PBX2: variants seen among roughly 807,000 people sequenced by gnomAD.
PBX2 encodes pre-B-cell leukemia transcription factor 2.
PBX2 carries 10 observed loss-of-function variants against 46.5 expected under a neutral mutation model. The observed-to-expected ratio is 0.21, with a 90% confidence interval of 0.13 to 0.36. The LOEUF (loss-of-function observed/expected upper bound fraction) is 0.36, where lower values mean the gene tolerates loss of function less well. PBX2 is among the 10% of genes least tolerant of loss of function. PBX2 has a pLI of 1.00. For synonymous variants in PBX2, 160 were observed against 222.5 expected, an observed-to-expected ratio of 0.72 and a Z score of 2.50; for missense variants, 392 against 580.5, an observed-to-expected ratio of 0.68 and a Z score of 3.34.
rs376011965 is a variant in PBX2 at position 32,187,922 on chromosome 6, A to C, written c.734+44T>G. The C allele has an allele frequency of 6.6e-7, 1 of 1,520,378 alleles. No individual in the cohort carries two copies. The highest frequency in any genetic ancestry group is 8.9e-7 in the Non-Finnish European group (1 of 1,129,108). 94.2% of individuals were successfully genotyped at this position (1,520,378 alleles called of 1,614,324 possible). A position where few individuals can be genotyped will look rare whatever the true frequency, so the allele number is the denominator to read the frequency against. ...GCTCAGGGTCTTGGAGAGGAATGGG[A>C]AGGAGCCCAGTGCTGGGGGCCAGCC... On this transcript the variant is annotated intron_variant, in intron 4 of 8. Transcript: ENST00000375050. The surrounding 1 kb of genome is among the most constrained non-coding windows in gnomAD (Gnocchi z 7.7).
Position 32,184,841 on chromosome 6 carries a change from A to AC in PBX2, c.*1540dup, listed in dbSNP as rs1405354174. The AC allele has an allele frequency of 2.1e-4, 11 of 53,564 alleles. No individual in the cohort carries two copies. Among genetic ancestry groups the AC allele is most frequent in the East Asian group, 7.2e-4 (1 of 1,388 alleles). 3.3% of individuals were successfully genotyped at this position (53,564 alleles called of 1,614,324 possible). A position where few individuals can be genotyped will look rare whatever the true frequency, so the allele number is the denominator to read the frequency against. On this transcript the variant is annotated 3_prime_UTR_variant, in exon 9 of 9. Transcript: ENST00000375050. ...GAACTGCCCCCGGCCCATGCCTCCC[A>AC]CCCCCCCACCCATCACACTTCCAAC...
rs1344071946 is a variant in PBX2 at position 32,189,068 on chromosome 6, G to A, written c.222-272C>T. 15 of 528,642 alleles carry A rather than the reference G, an allele frequency of 2.8e-5. No homozygotes were observed. The highest frequency in any genetic ancestry group is 5.0e-4 in the Middle Eastern group (1 of 2,020). 32.7% of individuals were successfully genotyped at this position (528,642 alleles called of 1,614,324 possible). On this transcript the variant is annotated intron_variant, in intron 1 of 8. Transcript: ENST00000375050. This position sits in a 1 kb window ranked among gnomAD's most constrained non-coding sequence, Gnocchi z 4.7. The stretch of plus-strand genomic sequence containing the variant: ...GAGATGGTCTAGAAAGGTAGGAGGA[G>A]GAATCTGGGAGTGGATGGAGAAAGG...
rs1392484614 is a variant in PBX2 at position 32,188,620 on chromosome 6, CT to C, written c.295+102del. 2.5e-6 allele frequency: 4 copies of C among 1,576,606 alleles called. No individual in the cohort carries two copies. The African/African-American group carries it at 5.4e-5, about 21-fold the overall frequency. On this transcript the variant is annotated intron_variant, in intron 2 of 8. Coordinates refer to ENST00000375050, the MANE Select transcript of PBX2 (RefSeq NM_002586.5). The surrounding 1 kb of genome is among the most constrained non-coding windows in gnomAD (Gnocchi z 6.5). Reference sequence around the variant, plus strand: ...GGCTTTGGTTCCTTCCCCAGTCCCCCTGACTCCTTACTTTCCTCAGGGCCCC... The same window carrying C: ...GGCTTTGGTTCCTTCCCCAGTCCCCCGACTCCTTACTTTCCTCAGGGCCCC...
rs1299589447 is a variant in PBX2, at chr6:32,185,492, C to T, written c.*890G>A. 6.6e-6 allele frequency: 1 copy of T among 151,222 alleles called. No individual in the cohort carries two copies. The highest frequency in any genetic ancestry group is 2.4e-5 in the African/African-American group (1 of 40,996). 9.4% of individuals were successfully genotyped at this position (151,222 alleles called of 1,614,324 possible). On this transcript the variant is annotated 3_prime_UTR_variant, in exon 9 of 9. Coordinates refer to ENST00000375050, the MANE Select transcript of PBX2 (RefSeq NM_002586.5). ...GTCCCCCTTTCTCTTACCAGAACCC[C>T]TTTGGCTATCACCCCTAATATGGGA...
chr6:32,187,381 A>G lies in PBX2; in HGVS notation c.885T>C (p.Phe295=). The G allele has an allele frequency of 6.2e-7, 1 of 1,613,040 alleles. No individual in the cohort carries two copies. Among genetic ancestry groups the G allele is most frequent in the Non-Finnish European group, 8.5e-7 (1 of 1,180,016 alleles). Residue 295 remains phenylalanine, a synonymous_variant, in exon 6 of 9, where the codon TTT becomes TTC. Transcript: ENST00000375050. The surrounding 1 kb of genome is among the most constrained non-coding windows in gnomAD (Gnocchi z 7.7). ...GITVSQVSNW[F]GNKRIRYKKN... ...TCTTATAGCGAATCCTCTTGTTGCC[A>G]AACCAGTTGGAGACCTGTGGGGCAG...
chr6:32,186,894 G>A lies in PBX2; in HGVS notation c.1032C>T (p.Gly344=), dbSNP rs1339321768. The A allele has an allele frequency of 7.4e-6, 12 of 1,613,490 alleles. No homozygotes were observed. The highest frequency in any genetic ancestry group is 3.3e-5 in the Admixed American group (2 of 60,016). ...SPTPPSSAGS[G]GSFNLSGSGD... is the part of the protein sequence containing the mutation. ...CAGATCCTGAGAGATTGAAAGAGCCGCCAGAGCCTTGTGGGGGCAGAGAGG... is the reference window on the plus strand; with the variant it reads ...CAGATCCTGAGAGATTGAAAGAGCCACCAGAGCCTTGTGGGGGCAGAGAGG... Residue 344 remains glycine (G), a synonymous_variant, in exon 7 of 9, where the codon GGC becomes GGT. Transcript: ENST00000375050. The surrounding 1 kb of genome is among the most constrained non-coding windows in gnomAD (Gnocchi z 4.2).
chr6:32,186,115 G>A lies in PBX2; in HGVS notation c.*267C>T. On this transcript the variant is annotated 3_prime_UTR_variant, in exon 9 of 9. Coordinates refer to ENST00000375050, the MANE Select transcript of PBX2 (RefSeq NM_002586.5). This position sits in a 1 kb window ranked among gnomAD's most constrained non-coding sequence, Gnocchi z 4.2. ...GTCTGAGAAATAGGTTTCTCGGTAT[G>A]TGTATGTTTCTGTGTAAGAAAGAAA... 1.9e-6 allele frequency: 1 copy of A among 533,792 alleles called. No homozygotes were observed. Among genetic ancestry groups the A allele is most frequent in the Non-Finnish European group, 3.3e-6 (1 of 300,488 alleles). The allele number at this position is 533,792 out of a possible 1,614,324, so 33.1% of individuals were successfully genotyped here.
At position 32,185,538 on chromosome 6, in the gene PBX2, A is replaced by G. The variant is rs1473251158; in HGVS notation, c.*844T>C. 1.3e-5 allele frequency: 2 copies of G among 151,244 alleles called. No homozygotes were observed. The highest frequency in any genetic ancestry group is 4.9e-5 in the African/African-American group (2 of 41,156). The allele number at this position is 151,244 out of a possible 1,614,324, so 9.4% of individuals were successfully genotyped here. A position where few individuals can be genotyped will look rare whatever the true frequency, so the allele number is the denominator to read the frequency against. ...TGGGAAAGTAAGAAATAAAAAAAAA[A>G]AAAGACAAGAAATCAACATATTTAT... On this transcript the variant is annotated 3_prime_UTR_variant, in exon 9 of 9. Transcript: ENST00000375050.
In PBX2 at chr6:32,186,158, TG is replaced by T; in HGVS notation, c.*223del. ...GAAAGAAAGCGAGAGAGGAAAAAGA[TG>T]GAAAAAAGGGAGAGACAGACCCCAC... On this transcript the variant is annotated 3_prime_UTR_variant, in exon 9 of 9. Transcript: ENST00000375050. This position sits in a 1 kb window ranked among gnomAD's most constrained non-coding sequence, Gnocchi z 4.2. The T allele has an allele frequency of 1.8e-6, 1 of 569,970 alleles. No individual in the cohort carries two copies. Among genetic ancestry groups the T allele is most frequent in the Non-Finnish European group, 3.2e-6 (1 of 317,210 alleles). The allele number at this position is 569,970 out of a possible 1,614,324, so 35.3% of individuals were successfully genotyped here.
rs1787196045 is a variant in PBX2 at position 32,187,468 on chromosome 6, C to T, written c.871-73G>A. 3 of 1,501,198 alleles carry T rather than the reference C, an allele frequency of 2.0e-6. No individual in the cohort carries two copies. Among genetic ancestry groups the T allele is most frequent in the African/African-American group, 2.8e-5 (2 of 71,314 alleles). 93.0% of individuals were successfully genotyped at this position (1,501,198 alleles called of 1,614,324 possible). A position where few individuals can be genotyped will look rare whatever the true frequency, so the allele number is the denominator to read the frequency against. On this transcript the variant is annotated intron_variant, in intron 5 of 8. Coordinates refer to ENST00000375050, the MANE Select transcript of PBX2 (RefSeq NM_002586.5). The surrounding 1 kb of genome is among the most constrained non-coding windows in gnomAD (Gnocchi z 7.7). The stretch of plus-strand genomic sequence containing the variant: ...CCTTCACTGAATAAGATGTGAGTGA[C>T]AGCATTTTTTTTTTTTTTGCTTCCT...
At position 32,185,455 on chromosome 6, in the gene PBX2, C is replaced by T. The variant is rs1786992569; in HGVS notation, c.*927G>A. ...GCCTGGAGCCAGGGGGGCCTCTTTACCAGTTCTGTTTGTCCCCCTTTCTCT... is the reference window on the plus strand; with the variant it reads ...GCCTGGAGCCAGGGGGGCCTCTTTATCAGTTCTGTTTGTCCCCCTTTCTCT... On this transcript the variant is annotated 3_prime_UTR_variant, in exon 9 of 9. Coordinates refer to ENST00000375050, the MANE Select transcript of PBX2 (RefSeq NM_002586.5). The T allele has an allele frequency of 4.6e-5, 7 of 151,692 alleles. No individual in the cohort carries two copies. In the South Asian group the frequency reaches 1.5e-3, roughly 32 times the overall value. The allele number at this position is 151,692 out of a possible 1,614,324, so 9.4% of individuals were successfully genotyped here.
rs878928477 is a variant in PBX2 at position 32,185,657 on chromosome 6, C to CA, written c.*724dup. On this transcript the variant is annotated 3_prime_UTR_variant, in exon 9 of 9. Transcript: ENST00000375050. Reference sequence around the variant, plus strand: ...ACAACAACAAAAACAACAACAACAACAAAAAAAACAGATGGATCCCAGGGT... The same window carrying CA: ...ACAACAACAAAAACAACAACAACAACAAAAAAAAACAGATGGATCCCAGGGT... The CA allele has an allele frequency of 6.5e-3, 882 of 136,364 alleles. 8 individuals are homozygous for CA. The highest frequency in any genetic ancestry group is 0.026 in the Middle Eastern group (7 of 268). The allele number at this position is 136,364 out of a possible 1,614,324, so 8.4% of individuals were successfully genotyped here. A position where few individuals can be genotyped will look rare whatever the true frequency, so the allele number is the denominator to read the frequency against.
chr6:32,187,181 G>A lies in PBX2; in HGVS notation c.1024+61C>T. On this transcript the variant is annotated intron_variant, in intron 6 of 8. Coordinates refer to ENST00000375050, the MANE Select transcript of PBX2 (RefSeq NM_002586.5). The surrounding 1 kb of genome is among the most constrained non-coding windows in gnomAD (Gnocchi z 7.7). ...CTCTGCTATGATCCTGCCTAGATAG[G>A]AAGTGGGAACAAAAGCAGGAAGTGT... The A allele has an allele frequency of 1.3e-6, 2 of 1,599,054 alleles. No individual in the cohort carries two copies. Among genetic ancestry groups the A allele is most frequent in the Non-Finnish European group, 1.7e-6 (2 of 1,169,390 alleles).
chr6:32,185,237 A>G lies in PBX2; in HGVS notation c.*1145T>C, dbSNP rs1318274006. On this transcript the variant is annotated 3_prime_UTR_variant, in exon 9 of 9. Coordinates refer to ENST00000375050, the MANE Select transcript of PBX2 (RefSeq NM_002586.5). The stretch of plus-strand genomic sequence containing the variant: ...CTCACAGGGGAAGATGGCATCTTCA[A>G]TTTCCTCAAAATTACTGAGTCCAGC... 6 of 152,678 alleles carry G rather than the reference A, an allele frequency of 3.9e-5. No homozygotes were observed. The East Asian group carries it at 1.2e-3, about 30-fold the overall frequency. The allele number at this position is 152,678 out of a possible 1,614,324, so 9.5% of individuals were successfully genotyped here.
In PBX2 at chr6:32,185,191, TA is replaced by T. The variant is rs1786966858; in HGVS notation, c.*1190del. 1.3e-5 allele frequency: 2 copies of T among 152,656 alleles called. No individual in the cohort carries two copies. Among genetic ancestry groups the T allele is most frequent in the South Asian group, 4.1e-4 (2 of 4,836 alleles). 9.5% of individuals were successfully genotyped at this position (152,656 alleles called of 1,614,324 possible). A position where few individuals can be genotyped will look rare whatever the true frequency, so the allele number is the denominator to read the frequency against. On this transcript the variant is annotated 3_prime_UTR_variant, in exon 9 of 9. Coordinates refer to ENST00000375050, the MANE Select transcript of PBX2 (RefSeq NM_002586.5). Reference sequence around the variant, plus strand: ...CTCCAATTTTCAAATAGTAGTTTTTTAAAAAATTAAAGACATGTCACTCACA... The same window carrying T: ...CTCCAATTTTCAAATAGTAGTTTTTTAAAAATTAAAGACATGTCACTCACA...
rs1405768679 is a variant in PBX2, at chr6:32,185,572, AAAC to A, written c.*807_*809del. On this transcript the variant is annotated 3_prime_UTR_variant, in exon 9 of 9. Transcript: ENST00000375050. Reference sequence around the variant, plus strand: ...GAAATCAACATATTTATAAAAAAAAAAACAAGCTACTTCCCCAAACTAAATTAA... The same window carrying A: ...GAAATCAACATATTTATAAAAAAAAAAAGCTACTTCCCCAAACTAAATTAA... 5 of 152,036 alleles carry A rather than the reference AAAC, an allele frequency of 3.3e-5. No individual in the cohort carries two copies. The highest frequency in any genetic ancestry group is 4.1e-4 in the South Asian group (2 of 4,822). The allele number at this position is 152,036 out of a possible 1,614,324, so 9.4% of individuals were successfully genotyped here.
chr6:32,189,391 T>C lies in PBX2; in HGVS notation c.221+304A>G, dbSNP rs2127449215. ...AAGATAACGTAGCCCAAGAACAGTT[T>C]CTTAGTCTGGGAGCCAGAGGGGGCT... On this transcript the variant is annotated intron_variant, in intron 1 of 8. Transcript: ENST00000375050. This position sits in a 1 kb window ranked among gnomAD's most constrained non-coding sequence, Gnocchi z 4.7. 6.6e-6 allele frequency among the ~76,000 whole-genome samples: 1 copy of C among 152,024 alleles called. No homozygotes were observed. The highest frequency in any genetic ancestry group is 1.9e-4 in the East Asian group (1 of 5,152).
chr6:32,185,624 CACCACCAACAACAACAAA>C lies in PBX2; in HGVS notation c.*740_*757del, dbSNP rs1263221433. ...AAAAATTAAGAACCACCACCACCAC[CACCACCAACAACAACAAA>C]AACAACAACAACAACAAAAAAAACA... On this transcript the variant is annotated 3_prime_UTR_variant, in exon 9 of 9. Coordinates refer to ENST00000375050, the MANE Select transcript of PBX2 (RefSeq NM_002586.5). 6.6e-6 allele frequency: 1 copy of C among 150,688 alleles called. No individual in the cohort carries two copies. Among genetic ancestry groups the C allele is most frequent in the Admixed American group, 6.6e-5 (1 of 15,108 alleles). 9.3% of individuals were successfully genotyped at this position (150,688 alleles called of 1,614,324 possible).
Position 32,187,445 on chromosome 6 carries a change from T to C in PBX2, c.871-50A>G, listed in dbSNP as rs775881359. 153 of 1,594,668 alleles carry C rather than the reference T, an allele frequency of 9.6e-5. No individual in the cohort carries two copies. Among genetic ancestry groups the C allele is most frequent in the Non-Finnish European group, 1.2e-4 (137 of 1,168,120 alleles). Reference sequence around the variant, plus strand: ...GTAGAAACATTTGCCTCTGAAGTCCTTCACTGAATAAGATGTGAGTGACAG... The same window carrying C: ...GTAGAAACATTTGCCTCTGAAGTCCCTCACTGAATAAGATGTGAGTGACAG... On this transcript the variant is annotated intron_variant, in intron 5 of 8. Coordinates refer to ENST00000375050, the MANE Select transcript of PBX2 (RefSeq NM_002586.5). This position sits in a 1 kb window ranked among gnomAD's most constrained non-coding sequence, Gnocchi z 7.7.
Sources: allele counts gnomAD v4.1 joint callset (sites outside exome capture counted in the v4.1 genomes callset), GRCh38; gene constraint gnomAD v4.1.1; non-coding constraint Gnocchi (gnomAD v3.1); transcripts MANE v1.5; gene names NCBI Gene and HGNC (gene_info 2026-07-23, HGNC 2026-07-21).